The following PCDHA12 variants were observed in gnomAD, a reference collection of about 807,000 sequenced individuals.
The protein encoded by PCDHA12 is protocadherin alpha-12.
A neutral mutation model predicts 60.0 loss-of-function variants in PCDHA12; 44 were observed. That is an observed-to-expected ratio of 0.73 (90% confidence interval 0.58 to 0.94). The LOEUF (loss-of-function observed/expected upper bound fraction) is 0.94. Among genes scored for constraint, PCDHA12 ranks in the 40% least tolerant of loss-of-function variants. The probability of loss-of-function intolerance (pLI) is 0.00; values close to 1 mark genes in which losing one functional copy is unlikely to be tolerated. For synonymous variants in PCDHA12, 569 were observed against 553.0 expected, an observed-to-expected ratio of 1.03 and a Z score of -0.40; for missense variants, 1,276 against 1,239.7, an observed-to-expected ratio of 1.03 and a Z score of -0.44.
chr5:140,977,324 C>T (rs1035502087), intron 1 of PCDHA12, among the ~76,000 whole-genome samples: 5 of 152,102 alleles, frequency 3.3e-5, no homozygotes, highest in Non-Finnish European at 4.4e-5. Context: ...CTCCTGATGG[C>T]GAGGGGAGAG....
intron 3 of PCDHA12, among the ~76,000 whole-genome samples, chr5:141,009,289 T>C (rs1474871800): frequency 1.4e-4 from 22 of 152,136 alleles, no homozygotes; most frequent in African/African-American, 5.1e-4. Context: ...ATCCCATTTC[T>C]ATAAAATTTT....
In PCDHA12 at chr5:140,877,232, C is replaced by A; in HGVS notation, c.1760C>A (p.Ala587Glu). 6.2e-6 allele frequency: 10 copies of A among 1,613,680 alleles called. No homozygotes were observed. Among genetic ancestry groups the A allele is most frequent in the Non-Finnish European group, 7.6e-6 (9 of 1,179,744 alleles). ...GAGTTGGTACCGCGGTCGGTGGGTGCGGGCCACGTGGTGGCGAAAGTGCGC... is the reference window on the plus strand; with the variant it reads ...GAGTTGGTACCGCGGTCGGTGGGTGAGGGCCACGTGGTGGCGAAAGTGCGC... ...VSELVPRSVG[A>E]GHVVAKVRAV... is the part of the protein sequence containing the mutation. The change falls in exon 1 of 4, where the codon GCG (alanine) becomes GAG (glutamate). Residue 587 changes from alanine (A) to glutamate (E), a missense_variant. Physicochemically the swap from Ala to Glu is moderately radical, Grantham distance 107. Transcript: ENST00000398631.
chr5:141,009,580 G>A (rs1554262213), intron 3 of PCDHA12, 47 bp from the exon 4 acceptor site: 1 of 1,588,170 alleles, frequency 6.3e-7, no homozygotes, highest in South Asian at 1.2e-5. Flanking sequence ...GTGGCATCAA[G>A]AGCATGTGTT....
At chr5:140,912,824 A>T (rs1391588183) in intron 1 of PCDHA12, among the ~76,000 whole-genome samples, 3 of 152,170 alleles carry the variant, frequency 2.0e-5, no homozygotes, top group Non-Finnish European at 4.4e-5. Flanking sequence ...AGGGATTTTG[A>T]ATTTTATTAA....
At chr5:140,962,358 T>C (rs1167082870) in intron 1 of PCDHA12, among the ~76,000 whole-genome samples, 4 of 152,230 alleles carry the variant, frequency 2.6e-5, no homozygotes, top group Non-Finnish European at 5.9e-5. Context: ...CCCCCAATAC[T>C]GGCTAGTTTG....
chr5:141,007,037 T>C (rs1413139986), intron 3 of PCDHA12, among the ~76,000 whole-genome samples: 1 of 152,170 alleles, frequency 6.6e-6, no homozygotes, highest in Non-Finnish European at 1.5e-5. Flanking sequence ...TTTATATCTA[T>C]GGATATGGCT....
At chr5:140,898,961 G>A (rs1405112699) in intron 1 of PCDHA12, among the ~76,000 whole-genome samples, 1 of 152,036 alleles carries the variant, frequency 6.6e-6, no homozygotes, top group African/African-American at 2.4e-5. Flanking sequence ...AGTTGTGAAT[G>A]GGAGTTCACT....
At chr5:140,915,814 A>G (rs2077313905) in intron 1 of PCDHA12, among the ~76,000 whole-genome samples, 1 of 152,102 alleles carries the variant, frequency 6.6e-6, no homozygotes, top group African/African-American at 2.4e-5. Flanking sequence ...TGTTCACTCA[A>G]GGCCCTAGGG....
chr5:140,896,256 C>T (rs1335099704), intron 1 of PCDHA12, among the ~76,000 whole-genome samples: 3 of 152,192 alleles, frequency 2.0e-5, no homozygotes, highest in Non-Finnish European at 4.4e-5. Flanking sequence ...TGGTTATGTA[C>T]ACAGTTATGG....
At position 140,878,750 on chromosome 5, in the gene PCDHA12, T is replaced by A. The variant is rs143616284; in HGVS notation, c.2367+911T>A. ...AGCCTTATATCTACTTTCTTACATATCTTTAGTTTAGGATCTGGAATATAG... is the reference window on the plus strand; with the variant it reads ...AGCCTTATATCTACTTTCTTACATAACTTTAGTTTAGGATCTGGAATATAG... On this transcript the variant is annotated intron_variant, in intron 1 of 3. Coordinates refer to ENST00000398631, the MANE Select transcript of PCDHA12 (RefSeq NM_018903.4). Among the ~76,000 whole-genome samples, 863 of 152,338 alleles carry A rather than the reference T, an allele frequency of 5.7e-3. 5 individuals are homozygous for A. Among genetic ancestry groups the A allele is most frequent in the Middle Eastern group, 0.014 (4 of 294 alleles).
intron 1 of PCDHA12, among the ~76,000 whole-genome samples, chr5:140,917,311 G>T (rs2078013594): frequency 6.7e-6 from 1 of 148,748 alleles, no homozygotes; most frequent in Non-Finnish European, 1.5e-5. Flanking sequence ...GTTACAATTT[G>T]GTGTTCATGT....
At chr5:140,920,501 A>G (rs1404369467) in intron 1 of PCDHA12, among the ~76,000 whole-genome samples, 1 of 152,194 alleles carries the variant, frequency 6.6e-6, no homozygotes, top group Non-Finnish European at 1.5e-5. Context: ...AGAGTTCTAC[A>G]TACTGTTTTA....
chr5:140,967,922 G>T (rs782146005), intron 1 of PCDHA12: 1 of 1,614,198 alleles, frequency 6.2e-7, no homozygotes, highest in South Asian at 1.1e-5. Flanking sequence ...CATTGTGGCC[G>T]TTCTCAGTGT....
At chr5:140,913,759 G>A (rs782668286) in intron 1 of PCDHA12, among the ~76,000 whole-genome samples, 1 of 151,994 alleles carries the variant, frequency 6.6e-6, no homozygotes, top group African/African-American at 2.4e-5. Context: ...GTATCTCATA[G>A]GTTTTGGCAT....
intron 1 of PCDHA12, chr5:140,882,570 A>G (rs1562776435): frequency 6.2e-7 from 1 of 1,614,240 alleles, no homozygotes. Flanking sequence ...CGGAGCGCGG[A>G]GTGCAGCATC....
At position 140,905,827 on chromosome 5, in the gene PCDHA12, A is replaced by T. The variant is rs140988076; in HGVS notation, c.2367+27988A>T. 2.2e-3 allele frequency among the ~76,000 whole-genome samples: 329 copies of T among 152,298 alleles called. 1 individual carries two copies. The highest frequency in any genetic ancestry group is 7.5e-3 in the African/African-American group (311 of 41,554). The stretch of plus-strand genomic sequence containing the variant: ...CAGAATTAATAGGCTAGATGTGTAT[A>T]TAAAGGGGAGTTTATTAAGGAGTAT... On this transcript the variant is annotated intron_variant, in intron 1 of 3. Coordinates refer to ENST00000398631, the MANE Select transcript of PCDHA12 (RefSeq NM_018903.4).
intron 3 of PCDHA12, among the ~76,000 whole-genome samples, chr5:140,991,068 T>A (rs1563570560): frequency 6.6e-6 from 1 of 152,216 alleles, no homozygotes; most frequent in Admixed American, 6.5e-5. Flanking sequence ...ATTATTCCCA[T>A]GTTTCAGATA....
In PCDHA12 at chr5:140,982,474, G is replaced by C. The variant is rs2096985354; in HGVS notation, c.2427-1G>C. On this transcript the variant is annotated splice_acceptor_variant, in intron 2 of 3. Coordinates refer to ENST00000398631, the MANE Select transcript of PCDHA12 (RefSeq NM_018903.4). LOFTEE classifies it high-confidence loss of function. ...TTATCTGGGTCTGTGTGTTTATTCA[G>C]CTCTGTGCACCTAGAGGAGGCTGGC... 3 of 1,614,164 alleles carry C rather than the reference G, an allele frequency of 1.9e-6. No individual in the cohort carries two copies. The highest frequency in any genetic ancestry group is 2.5e-6 in the Non-Finnish European group (3 of 1,180,024).
chr5:141,007,256 G>A (rs1412168610), intron 3 of PCDHA12, among the ~76,000 whole-genome samples: 1 of 152,034 alleles, frequency 6.6e-6, no homozygotes, highest in Non-Finnish European at 1.5e-5. Flanking sequence ...CAAGTTAAAA[G>A]AAGCAGATAC....
Sources: allele counts gnomAD v4.1 joint callset (sites outside exome capture counted in the v4.1 genomes callset), GRCh38; gene constraint gnomAD v4.1.1; transcripts MANE v1.5; gene names NCBI Gene and HGNC (gene_info 2026-07-23, HGNC 2026-07-21).